SOS1: variants seen among roughly 807,000 people sequenced by gnomAD.
SOS1 encodes the protein son of sevenless homolog 1.
SOS1 carries 25 observed loss-of-function variants against 157.6 expected under a neutral mutation model. That is an observed-to-expected ratio of 0.16 (90% CI 0.12 to 0.22). The LOEUF (loss-of-function observed/expected upper bound fraction) is 0.22. Among genes scored for constraint, SOS1 ranks in the 10% least tolerant of loss-of-function variants. SOS1 has a pLI of 1.00. For synonymous variants in SOS1, 528 were observed against 534.0 expected (o/e 0.99, Z 0.16); for missense variants, 1,237 against 1,599.1 (o/e 0.77, Z 3.86).
chr2:39,078,930 T>C (rs563122892), intron 1 of SOS1, among the ~76,000 whole-genome samples: 11 of 151,828 alleles, frequency 7.2e-5, no homozygotes, highest in African/African-American at 2.4e-4. Flanking sequence ...TGCGGTGGCA[T>C]ACGCCTGTAG....
chr2:38,985,568 A>C lies in SOS1; in HGVS notation c.*256T>G. 2.2e-6 allele frequency: 1 copy of C among 456,616 alleles called. No individual in the cohort carries two copies. The highest frequency in any genetic ancestry group is 2.2e-5 in the South Asian group (1 of 45,400). The allele number at this position is 456,616 out of a possible 1,614,324, so 28.3% of individuals were successfully genotyped here. A position where few individuals can be genotyped will look rare whatever the true frequency, so the allele number is the denominator to read the frequency against. On this transcript the variant is annotated 3_prime_UTR_variant, in exon 23 of 23. Transcript: ENST00000402219. ...AGGACTCCTGCCTATTGGCCAGAAA[A>C]AGTCCCTTTATGATTTTCAGGTGCA...
At position 38,985,719 on chromosome 2, in the gene SOS1, T is replaced by G; in HGVS notation, c.*105A>C. ...CTGCATCTTGAAGAAGAGTCGTTAGTGTTTGGAGTTCTCATTTTAACTCCT... is the reference window on the plus strand; with the variant it reads ...CTGCATCTTGAAGAAGAGTCGTTAGGGTTTGGAGTTCTCATTTTAACTCCT... On this transcript the variant is annotated 3_prime_UTR_variant, in exon 23 of 23. Coordinates refer to ENST00000402219, the MANE Select transcript of SOS1 (RefSeq NM_005633.4). 27 of 1,146,534 alleles carry G rather than the reference T, an allele frequency of 2.4e-5. No individual in the cohort carries two copies. The highest frequency in any genetic ancestry group is 5.0e-5 in the East Asian group (2 of 39,894). 71.0% of individuals were successfully genotyped at this position (1,146,534 alleles called of 1,614,324 possible). A position where few individuals can be genotyped will look rare whatever the true frequency, so the allele number is the denominator to read the frequency against.
rs1668535014 is a variant in SOS1 at position 38,985,720 on chromosome 2, G to A, written c.*104C>T. ...TGCATCTTGAAGAAGAGTCGTTAGT[G>A]TTTGGAGTTCTCATTTTAACTCCTC... is the stretch of plus-strand genomic sequence containing the variant. On this transcript the variant is annotated 3_prime_UTR_variant, in exon 23 of 23. Transcript: ENST00000402219. The A allele has an allele frequency of 1.7e-6, 2 of 1,199,510 alleles. No homozygotes were observed. The highest frequency in any genetic ancestry group is 3.0e-5 in the African/African-American group (2 of 66,458). The allele number at this position is 1,199,510 out of a possible 1,614,324, so 74.3% of individuals were successfully genotyped here. A position where few individuals can be genotyped will look rare whatever the true frequency, so the allele number is the denominator to read the frequency against.
At chr2:39,090,781 T>G (rs1221561677) in intron 1 of SOS1, among the ~76,000 whole-genome samples, 9 of 152,202 alleles carry the variant, frequency 5.9e-5, no homozygotes, top group Non-Finnish European at 1.3e-4. Context: ...TATCAGTGCT[T>G]TTCAAACTTA....
intron 1 of SOS1, among the ~76,000 whole-genome samples, chr2:39,097,879 C>A (rs1297225566): frequency 2.0e-5 from 3 of 152,004 alleles, no homozygotes; most frequent in African/African-American, 7.2e-5. Context: ...TAATTCTTAA[C>A]CCTTGATTAA....
chr2:39,056,791 T>C lies in SOS1; in HGVS notation c.421A>G (p.Ile141Val). The change falls in exon 4 of 23, where the codon ATT becomes GTT. Residue 141 changes from isoleucine (I) to valine (V), a missense_variant. This residue lies in a region of SOS1 where 17 missense variants were observed against 52.7 expected (regional missense o/e 0.32). Coordinates refer to ENST00000402219, the MANE Select transcript of SOS1 (RefSeq NM_005633.4). ...ACATAATTCCCAACCAGCTTTAAAATGTCTGCAGAAATGTATTCTAAGACT... is the reference window on the plus strand; with the variant it reads ...ACATAATTCCCAACCAGCTTTAAAACGTCTGCAGAAATGTATTCTAAGACT... ...VAVLEYISADILKLVGNYVRN... is the reference protein window; with the variant it reads ...VAVLEYISADVLKLVGNYVRN... 1 of 1,602,108 alleles carries C rather than the reference T, an allele frequency of 6.2e-7. No individual in the cohort carries two copies. The highest frequency in any genetic ancestry group is 8.6e-7 in the Non-Finnish European group (1 of 1,169,182).
intron 1 of SOS1, among the ~76,000 whole-genome samples, chr2:39,084,502 TGAAGA>T (rs1255640542): frequency 6.6e-6 from 1 of 152,056 alleles, no homozygotes; most frequent in African/African-American, 2.4e-5. Context: ...GGCAGGGATG[TGAAGA>T]GAAGAGAAGA....
intron 1 of SOS1, among the ~76,000 whole-genome samples, chr2:39,078,513 C>CCTCAA (rs76332956): frequency 6.6e-6 from 1 of 151,924 alleles, no homozygotes; most frequent in Non-Finnish European, 1.5e-5. Context: ...CATTAGGAAC[C>CCTCAA]AGGCCACAGA....
At chr2:39,068,918 C>T (rs1671684386) in intron 1 of SOS1, among the ~76,000 whole-genome samples, 1 of 151,976 alleles carries the variant, frequency 6.6e-6, no homozygotes, top group African/African-American at 2.4e-5. Flanking sequence ...CTCAACTCTC[C>T]AACAGGTGGT....
At chr2:39,082,233 T>C (rs774631041) in intron 1 of SOS1, among the ~76,000 whole-genome samples, 2 of 152,216 alleles carry the variant, frequency 1.3e-5, no homozygotes, top group Admixed American at 1.3e-4. Context: ...TAATTGGAAA[T>C]AGTAAATAGT....
At chr2:39,036,494 G>A (rs2124564804) in intron 6 of SOS1, among the ~76,000 whole-genome samples, 1 of 152,220 alleles carries the variant, frequency 6.6e-6, no homozygotes, top group East Asian at 1.9e-4. Context: ...GGGACCACAG[G>A]CGCACACCAC....
At chr2:39,004,862 T>TG (rs376539604) in intron 17 of SOS1, among the ~76,000 whole-genome samples, 33 of 151,276 alleles carry the variant, frequency 2.2e-4, no homozygotes, top group African/African-American at 8.0e-4. Flanking sequence ...ATAATAGAAA[T>TG]GAAAAAAAAA....
chr2:39,079,726 C>G (rs1051562731), intron 1 of SOS1, among the ~76,000 whole-genome samples: 13 of 152,060 alleles, frequency 8.5e-5, no homozygotes, highest in Non-Finnish European at 1.6e-4. Context: ...AACTCCTGAC[C>G]TCGTGATCTG....
intron 5 of SOS1, among the ~76,000 whole-genome samples, chr2:39,052,082 C>G (rs754574899): frequency 6.6e-6 from 1 of 152,136 alleles, no homozygotes; most frequent in Admixed American, 6.5e-5. Context: ...TTTCCTCTCC[C>G]CAGTGCCTGA....
rs114509509 is a variant in SOS1, at chr2:39,045,621, T to C, written c.864+5523A>G. ...ACAGGTTTGATTAGTTTTTATGTTA[T>C]GATATTTCATCCCTTTATCTTAAAA... On this transcript the variant is annotated intron_variant, in intron 6 of 22. Coordinates refer to ENST00000402219, the MANE Select transcript of SOS1 (RefSeq NM_005633.4). 4.0e-3 allele frequency among the ~76,000 whole-genome samples: 608 copies of C among 152,354 alleles called. 2 individuals are homozygous for C. The highest frequency in any genetic ancestry group is 0.011 in the East Asian group (56 of 5,190).
rs1297051569 is a variant in SOS1 at position 38,985,712 on chromosome 2, T to G, written c.*112A>C. The G allele has an allele frequency of 8.8e-7, 1 of 1,133,330 alleles. No homozygotes were observed. Among genetic ancestry groups the G allele is most frequent in the Non-Finnish European group, 1.3e-6 (1 of 745,162 alleles). 70.2% of individuals were successfully genotyped at this position (1,133,330 alleles called of 1,614,324 possible). A position where few individuals can be genotyped will look rare whatever the true frequency, so the allele number is the denominator to read the frequency against. Reference sequence around the variant, plus strand: ...TCTTATACTGCATCTTGAAGAAGAGTCGTTAGTGTTTGGAGTTCTCATTTT... The same window carrying G: ...TCTTATACTGCATCTTGAAGAAGAGGCGTTAGTGTTTGGAGTTCTCATTTT... On this transcript the variant is annotated 3_prime_UTR_variant, in exon 23 of 23. Transcript: ENST00000402219.
At chr2:39,122,514 A>G (rs765186560), upstream of SOS1, among the ~76,000 whole-genome samples, 12 of 151,808 alleles carry the variant, frequency 7.9e-5, no homozygotes, top group Admixed American at 2.6e-4. Context: ...CACGCCTGTA[A>G]TCCCAGCACT....
Position 38,982,495 on chromosome 2 carries a change from G to A in SOS1, c.*3329C>T, listed in dbSNP as rs558151383. 6.6e-6 allele frequency: 1 copy of A among 152,156 alleles called. No individual in the cohort carries two copies. The highest frequency in any genetic ancestry group is 2.4e-5 in the African/African-American group (1 of 41,518). 9.4% of individuals were successfully genotyped at this position (152,156 alleles called of 1,614,324 possible). On this transcript the variant is annotated 3_prime_UTR_variant, in exon 23 of 23. Transcript: ENST00000402219. ...ATTAACCTTGTGATGTTTAGTTACT[G>A]GTAAAGATTAATGCAATACAACAGG...
At chr2:39,067,292 G>C (rs528084410) in intron 2 of SOS1, among the ~76,000 whole-genome samples, 22 of 152,186 alleles carry the variant, frequency 1.4e-4, no homozygotes, top group Non-Finnish European at 1.2e-4. Flanking sequence ...GGGATTACAG[G>C]CTTGAGCCAC....
Sources: gnomAD v4.1 joint callset for allele counts (sites outside exome capture counted in the v4.1 genomes callset) on GRCh38, gnomAD v4.1.1 for gene constraint, gnomAD v4.1.1 regional missense constraint, MANE v1.5 for transcripts, NCBI Gene and HGNC (gene_info 2026-07-23, HGNC 2026-07-21) for gene names.